Variants in PYY observed in about 807,000 individuals in gnomAD.
The protein encoded by PYY is peptide YY, also known as peptide tyrosine tyrosine.
PYY carries 12 observed loss-of-function variants against 10.3 expected under a neutral mutation model. The observed-to-expected ratio is 1.17, with a 90% confidence interval of 0.75 to 1.89. The LOEUF is 1.89. PYY is among the 40% of genes most tolerant of loss of function. The pLI is 0.00. For missense variants in PYY, 141 were observed against 134.0 expected (o/e 1.05, Z -0.26); for synonymous variants, 66 against 62.0 (o/e 1.06, Z -0.30).
chr17:43,955,625 C>G (rs970617564), upstream of PYY, among the ~76,000 whole-genome samples: 50 of 152,040 alleles, frequency 3.3e-4, no homozygotes, highest in African/African-American at 1.2e-3. Flanking sequence ...GAGCCCTCAT[C>G]CAGGGGGCAA....
chr17:44,002,511 G>C (rs2049035316), intron 1 of PYY, among the ~76,000 whole-genome samples: 1 of 152,220 alleles, frequency 6.6e-6, no homozygotes, highest in Admixed American at 6.5e-5. Flanking sequence ...TACAACAACA[G>C]AGGGTCTGAC....
In PYY at chr17:44,004,381, T is replaced by G. The variant is rs575267135; in HGVS notation, c.-463+10A>C. ...CCCTGCAGACTCCCAAAGCCGCCCC[T>G]GGAACCTACCTTGGCAGCAGATTAA... On this transcript the variant is annotated intron_variant, in intron 1 of 6. Transcript: ENST00000360085. 1.9e-5 allele frequency: 6 copies of G among 319,874 alleles called. No individual in the cohort carries two copies. The South Asian group carries it at 8.9e-4, about 47-fold the overall frequency. The allele number at this position is 319,874 out of a possible 1,614,324, so 19.8% of individuals were successfully genotyped here. A position where few individuals can be genotyped will look rare whatever the true frequency, so the allele number is the denominator to read the frequency against.
At chr17:44,002,234 G>A (rs1042351336) in intron 1 of PYY, among the ~76,000 whole-genome samples, 6 of 152,200 alleles carry the variant, frequency 3.9e-5, no homozygotes, top group African/African-American at 1.4e-4. Flanking sequence ...GGACTGCGGG[G>A]AAGATCCCAG....
intron 1 of PYY, among the ~76,000 whole-genome samples, chr17:43,991,826 G>GAA (rs776915338): frequency 2.3e-5 from 3 of 132,604 alleles, no homozygotes; most frequent in African/African-American, 5.4e-5. Context: ...TGTCTCAAAA[G>GAA]AAAAAAAAAA....
chr17:43,985,955 A>G (rs1289976925), intron 1 of PYY, among the ~76,000 whole-genome samples: 1 of 152,172 alleles, frequency 6.6e-6, no homozygotes, highest in Admixed American at 6.6e-5. Flanking sequence ...CTGTAGAGGT[A>G]TTCTATATAT....
chr17:43,953,173 C>T lies in PYY; in HGVS notation c.205G>A (p.Gly69Ser), dbSNP rs759052286. ...VTRQRYGKRD[G>S]PDTLLSKTFF... ...GTTTTGGAAAGAAGCGTGTCCGGGCCGTCTCTTTTCCCATACCTGGGGGCG... is the reference window on the plus strand; with the variant it reads ...GTTTTGGAAAGAAGCGTGTCCGGGCTGTCTCTTTTCCCATACCTGGGGGCG... Residue 69 changes from glycine (G) to serine (S), a missense_variant, in exon 3 of 4, where the codon GGC becomes AGC. By Grantham distance (56) the Gly-to-Ser change is moderately conservative. Coordinates refer to ENST00000692052, the MANE Select transcript of PYY (RefSeq NM_001394028.1). The T allele has an allele frequency of 3.7e-6, 6 of 1,613,956 alleles. No individual in the cohort carries two copies. Among genetic ancestry groups the T allele is most frequent in the Middle Eastern group, 1.7e-4 (1 of 6,058 alleles).
intron 1 of PYY, among the ~76,000 whole-genome samples, chr17:43,972,993 G>A (rs557866738): frequency 2.6e-5 from 4 of 151,902 alleles, no homozygotes; most frequent in Admixed American, 2.0e-4. Flanking sequence ...GATTACAGGC[G>A]TGAGCCACCG....
intron 2 of PYY, among the ~76,000 whole-genome samples, chr17:43,960,514 G>A (rs114481232): frequency 4.2e-5 from 5 of 119,260 alleles, no homozygotes; most frequent in Non-Finnish European, 8.3e-5. Context: ...CCCGAGGGAC[G>A]AGAGTGAGAC....
chr17:43,954,857 C>T (rs2048661586), upstream of PYY, among the ~76,000 whole-genome samples: 1 of 152,230 alleles, frequency 6.6e-6, no homozygotes, highest in Admixed American at 6.5e-5. Context: ...GTTTATTAAG[C>T]ACCTACTATG....
Position 43,952,801 on chromosome 17 carries a change from G to A in PYY, c.*155C>T. 1.3e-6 allele frequency: 1 copy of A among 764,362 alleles called. No individual in the cohort carries two copies. Among genetic ancestry groups the A allele is most frequent in the Non-Finnish European group, 2.1e-6 (1 of 487,150 alleles). 47.3% of individuals were successfully genotyped at this position (764,362 alleles called of 1,614,324 possible). ...GGACCACACACAGCCCTCCAGCCCA[G>A]GGGGCGGGGGCACCGAGACGCGGGC... On this transcript the variant is annotated 3_prime_UTR_variant, in exon 4 of 4. Transcript: ENST00000692052.
intron 1 of PYY, among the ~76,000 whole-genome samples, chr17:43,997,149 C>T (rs1731884): frequency 0.55 from 83,711 of 151,794 alleles, 23,875 homozygotes; most frequent in Middle Eastern, 0.76. Context: ...AGTGATTCCC[C>T]GGCCTCAGCC....
rs1004484210 is a variant in PYY at position 43,952,899 on chromosome 17, G to A, written c.*57C>T. 3.3e-6 allele frequency: 5 copies of A among 1,503,690 alleles called. No homozygotes were observed. The highest frequency in any genetic ancestry group is 4.5e-6 in the Non-Finnish European group (5 of 1,123,022). The allele number at this position is 1,503,690 out of a possible 1,614,324, so 93.1% of individuals were successfully genotyped here. On this transcript the variant is annotated 3_prime_UTR_variant, in exon 4 of 4. Transcript: ENST00000692052. ...AATCCGGGTTTCTGGGGTCGGGAGT[G>A]CGTATGCAAATGACGTGGGCGTGGT...
chr17:43,953,121 G>A lies in PYY; in HGVS notation c.257C>T (p.Pro86Leu), dbSNP rs766105817. The A allele has an allele frequency of 3.1e-6, 5 of 1,613,960 alleles. No homozygotes were observed. Among genetic ancestry groups the A allele is most frequent in the Middle Eastern group, 1.6e-4 (1 of 6,080 alleles). The change falls in exon 3 of 4, where the codon CCC becomes CTC. Residue 86 changes from proline (P) to leucine (L), a missense_variant. Pro to Leu is a moderately conservative substitution (Grantham distance 98). Transcript: ENST00000692052. ...CGGGCGCTTTTACCGCGACCTGACG[G>A]GGCGGTCCTCGCCGTCGGGGAAGAA... ...KTFFPDGEDR[P>L]VRSRSEGPDL...
intron 1 of PYY, among the ~76,000 whole-genome samples, chr17:43,996,813 G>A (rs1170048374): frequency 1.3e-5 from 2 of 151,948 alleles, no homozygotes; most frequent in Admixed American, 6.6e-5. Flanking sequence ...TCAGCCACCC[G>A]AGTAGCTGGA....
At chr17:43,990,575 A>G (rs2048950350) in intron 1 of PYY, among the ~76,000 whole-genome samples, 1 of 152,094 alleles carries the variant, frequency 6.6e-6, no homozygotes, top group Non-Finnish European at 1.5e-5. Flanking sequence ...CAAAAACCGC[A>G]ATTACTTTTG....
Position 43,953,475 on chromosome 17 carries a change from G to T in PYY, c.9C>A (p.Phe3Leu). The part of the protein sequence containing the change: MV[F>L]VRRPWPALTT... ...TCAAGGCGGGCCACGGCCTGCGCAC[G>T]AACACCATCTGGGAAGGCGACATTG... The change falls in exon 2 of 4, where the codon TTC becomes TTA. Residue 3 changes from phenylalanine to leucine, a missense_variant. Physicochemically the swap from Phe to Leu is conservative, Grantham distance 22. Transcript: ENST00000692052. The T allele has an allele frequency of 6.3e-7, 1 of 1,597,806 alleles. No homozygotes were observed. The highest frequency in any genetic ancestry group is 8.5e-7 in the Non-Finnish European group (1 of 1,170,576).
At chr17:43,980,369 G>C (rs2048874862) in intron 1 of PYY, among the ~76,000 whole-genome samples, 1 of 151,928 alleles carries the variant, frequency 6.6e-6, no homozygotes, top group South Asian at 2.1e-4. Flanking sequence ...TCACCATGTT[G>C]GCCAGGCTGG....
At chr17:43,998,414 C>T (rs563566466) in intron 1 of PYY, among the ~76,000 whole-genome samples, 12 of 152,050 alleles carry the variant, frequency 7.9e-5, no homozygotes, top group Admixed American at 7.2e-4. Context: ...AAAAATTAGC[C>T]GGGCATGGCA....
intron 1 of PYY, among the ~76,000 whole-genome samples, chr17:43,992,103 G>A (rs928723486): frequency 6.2e-5 from 8 of 128,164 alleles, no homozygotes; most frequent in Admixed American, 1.7e-4. Context: ...CTGGGCAACA[G>A]TGCAAGACTC....
Sources: allele counts gnomAD v4.1 joint callset (sites outside exome capture counted in the v4.1 genomes callset), GRCh38; gene constraint gnomAD v4.1.1; transcripts MANE v1.5; gene names NCBI Gene and HGNC (gene_info 2026-07-23, HGNC 2026-07-21).